NOC2L: variants seen among roughly 807,000 people sequenced by gnomAD.
NOC2L encodes the protein NOC2 like nucleolar associated transcriptional repressor.
A neutral mutation model predicts 94.2 loss-of-function variants in NOC2L; 101 were observed. The ratio of observed to expected loss-of-function variants is 1.07; its 90% CI spans 0.91 to 1.26. The LOEUF is 1.26. Ranked by LOEUF, NOC2L falls within the 50% of genes most tolerant of loss-of-function variation. NOC2L has a pLI of 0.00. For synonymous variants in NOC2L, 531 were observed against 413.4 expected (o/e 1.28, Z -3.45); for missense variants, 1,076 against 980.1 (o/e 1.10, Z -1.31).
chr1:946,655 G>C, intron 14 of NOC2L, 110 bp from the exon 15 acceptor site: 1 of 1,306,318 alleles, frequency 7.7e-7, no homozygotes, highest in African/African-American at 1.5e-5. Context: ...CCCCAGGAGG[G>C]GACATGGATC....
chr1:945,673 G>A lies in NOC2L; in HGVS notation c.1918-20C>T, dbSNP rs922598180. 6.2e-7 allele frequency: 1 copy of A among 1,614,106 alleles called. No individual in the cohort carries two copies. The highest frequency in any genetic ancestry group is 8.5e-7 in the Non-Finnish European group (1 of 1,179,998). On this transcript the variant is annotated intron_variant, in intron 16 of 18. Coordinates refer to ENST00000327044, the MANE Select transcript of NOC2L (RefSeq NM_015658.4). ...TTCCAGCTGGAAGGCCAAAGAACCA[G>A]GGGCTCAGGTGAGAGAGGGCAGGGG...
intron 13 of NOC2L, 121 bp downstream of exon 13, chr1:948,369 C>G (rs1331892679): frequency 9.5e-7 from 1 of 1,047,822 alleles, no homozygotes; most frequent in African/African-American, 1.6e-5. Context: ...GGCCCCAGCC[C>G]TGGGAGACCA....
In NOC2L at chr1:956,974, C is replaced by T. The variant is rs1010817559; in HGVS notation, c.406G>A (p.Val136Ile). 7 of 1,614,116 alleles carry T rather than the reference C, an allele frequency of 4.3e-6. No homozygotes were observed. Among genetic ancestry groups the T allele is most frequent in the Non-Finnish European group, 5.9e-6 (7 of 1,180,030 alleles). Residue 136 changes from valine (V) to isoleucine (I), a missense_variant, in exon 4 of 19, where the codon GTC (valine) becomes ATC (isoleucine). This residue lies in a region of NOC2L where 457 missense variants were observed against 386.0 expected (regional missense o/e 1.18). Transcript: ENST00000327044. ...TTCTTCCCCTTCAGCCCTCTGGGGACTCTGTCCCCATCTTCTCCTTCCTCC... is the reference window on the plus strand; with the variant it reads ...TTCTTCCCCTTCAGCCCTCTGGGGATTCTGTCCCCATCTTCTCCTTCCTCC... Reference protein sequence around the residue: ...GAEEGEDGDRVPRGLKGKKNS... With the variant: ...GAEEGEDGDRIPRGLKGKKNS...
intron 2 of NOC2L, 105 bp from the exon 3 acceptor site, chr1:957,378 A>T: frequency 1.8e-6 from 2 of 1,115,682 alleles, no homozygotes; most frequent in Non-Finnish European, 2.6e-6. Flanking sequence ...ACCAACTAGC[A>T]AGACAGGATT....
At position 955,970 on chromosome 1, in the gene NOC2L, G is replaced by A. The variant is rs1392671435; in HGVS notation, c.651C>T (p.Gly217=). ...TTCCAAACAGCAGCTTCTGGAGACA[G>A]CCAATGAGGTCTCTGATGCAGAAGG... is the stretch of plus-strand genomic sequence containing the variant. ...LVTFCIRDLI[G]CLQKLLFGKV... The change falls in exon 6 of 19, where the codon GGC becomes GGT. Residue 217 remains glycine, a synonymous_variant. Coordinates refer to ENST00000327044, the MANE Select transcript of NOC2L (RefSeq NM_015658.4). The A allele has an allele frequency of 3.7e-6, 6 of 1,613,702 alleles. No homozygotes were observed. The highest frequency in any genetic ancestry group is 1.1e-5 in the South Asian group (1 of 91,066).
rs375141658 is a variant in NOC2L, at chr1:948,480, C to A, written c.1557+10G>T. ...ACTGCCCAGGCCCCTCCCCAGGAGG[C>A]CAGCCTCACCCGGTACGCCTTCTCC... On this transcript the variant is annotated intron_variant, in intron 13 of 18. Coordinates refer to ENST00000327044, the MANE Select transcript of NOC2L (RefSeq NM_015658.4). The A allele has an allele frequency of 5.0e-6, 8 of 1,604,834 alleles. No homozygotes were observed. The East Asian group carries it at 1.1e-4, about 22-fold the overall frequency.
chr1:952,749 G>A, intron 9 of NOC2L, 149 bp from the exon 10 acceptor site: 1 of 761,566 alleles, frequency 1.3e-6, no homozygotes, highest in Non-Finnish European at 2.2e-6. Flanking sequence ...CCACCCCCAA[G>A]TGCCCACCAG....
chr1:955,837 G>A (rs1475090667), intron 6 of NOC2L, 86 bp downstream of exon 6: 1 of 1,158,112 alleles, frequency 8.6e-7, no homozygotes, highest in African/African-American at 1.5e-5. Context: ...CCATGTCTCT[G>A]TCCTAGCCAC....
intron 14 of NOC2L, chr1:946,907 A>C: frequency 5.5e-6 from 1 of 180,602 alleles, no homozygotes. Flanking sequence ...AAATACCAAA[A>C]TTAGCTGGGT....
In NOC2L at chr1:953,226, G is replaced by A. The variant is rs1186784334; in HGVS notation, c.951C>T (p.Leu317=). 6.2e-7 allele frequency: 1 copy of A among 1,613,584 alleles called. No homozygotes were observed. Among genetic ancestry groups the A allele is most frequent in the Non-Finnish European group, 8.5e-7 (1 of 1,179,820 alleles). ...ESLRVLAFLV[L]SRVCRHKKDT... ...CCTTCTTGTGCCGGCAGACTCTGCT[G>A]AGGACCAGGAAAGCCAGCACCCGCA... The change falls in exon 9 of 19, where the codon CTC becomes CTT. Residue 317 remains leucine, a synonymous_variant. Transcript: ENST00000327044.
rs1642035031 is a variant in NOC2L, at chr1:944,634, G to A, written c.*60C>T. The A allele has an allele frequency of 8.5e-6, 9 of 1,054,150 alleles. No individual in the cohort carries two copies. In the South Asian group the frequency reaches 1.2e-4, roughly 14 times the overall value. The allele number at this position is 1,054,150 out of a possible 1,614,324, so 65.3% of individuals were successfully genotyped here. ...GCCAGCCTCTAGGCCTGACTGCCAG[G>A]GAGGTGGAAACACTGGCCACCAGCC... is the stretch of plus-strand genomic sequence containing the variant. On this transcript the variant is annotated 3_prime_UTR_variant, in exon 19 of 19. Transcript: ENST00000327044.
intron 12 of NOC2L, among the ~76,000 whole-genome samples, chr1:949,989 G>A (rs906018631): frequency 6.6e-6 from 1 of 152,148 alleles, no homozygotes; most frequent in Non-Finnish European, 1.5e-5. Context: ...TTACAGCGGG[G>A]TGGGGCCTAA....
chr1:956,811 C>A (rs1642415966), intron 4 of NOC2L, 83 bp downstream of exon 4: 2 of 1,581,570 alleles, frequency 1.3e-6, no homozygotes, highest in South Asian at 1.1e-5. Context: ...CAGCTGCCCG[C>A]CCCTCGCTGC....
In NOC2L at chr1:945,631, T is replaced by G; in HGVS notation, c.1940A>C (p.Glu647Ala). The change falls in exon 17 of 19, where the codon GAG becomes GCG. Residue 647 changes from glutamate to alanine, a missense_variant. Physicochemically the swap from Glu to Ala is moderately radical, Grantham distance 107. Coordinates refer to ENST00000327044, the MANE Select transcript of NOC2L (RefSeq NM_015658.4). ...GTCAGCCATCTTCCTTCGTTTGATC[T>G]CAGGGAAGTTCAGGTCTTCCAGCTG... ...KERLEDLNFPEIKRRKMADRK... is the reference protein window; with the variant it reads ...KERLEDLNFPAIKRRKMADRK... 1 of 1,614,152 alleles carries G rather than the reference T, an allele frequency of 6.2e-7. No homozygotes were observed. The highest frequency in any genetic ancestry group is 2.2e-5 in the East Asian group (1 of 44,886).
Position 944,397 on chromosome 1 carries a change from T to G in NOC2L, c.*297A>C. The G allele has an allele frequency of 4.0e-6, 5 of 1,243,076 alleles. No homozygotes were observed. The highest frequency in any genetic ancestry group is 4.1e-5 in the South Asian group (2 of 49,116). The allele number at this position is 1,243,076 out of a possible 1,614,324, so 77.0% of individuals were successfully genotyped here. A position where few individuals can be genotyped will look rare whatever the true frequency, so the allele number is the denominator to read the frequency against. ...GAGGTGGTGGAAGGGGCCAGGGGCC[T>G]GCAGGCCTCCCCCTGGAACTGGGAC... On this transcript the variant is annotated 3_prime_UTR_variant, in exon 19 of 19. Transcript: ENST00000327044.
chr1:945,410 ACTGGTGAGCCCC>A, intron 17 of NOC2L, 96 bp downstream of exon 17: 1 of 1,368,364 alleles, frequency 7.3e-7, no homozygotes, highest in Non-Finnish European at 1.0e-6. Flanking sequence ...TGGGCCAGAG[ACTGGTGAGCCCC>A]CTGCAGGATG....
rs750061394 is a variant in NOC2L at position 944,823 on chromosome 1, C to T, written c.2144-23G>A. The T allele has an allele frequency of 7.3e-6, 11 of 1,497,868 alleles. No homozygotes were observed. In the East Asian group the frequency reaches 9.1e-5, roughly 12 times the overall value. The allele number at this position is 1,497,868 out of a possible 1,614,324, so 92.8% of individuals were successfully genotyped here. On this transcript the variant is annotated intron_variant, in intron 18 of 18. Transcript: ENST00000327044. ...CATCTGCGGGGAGAGATGGAGGCTACATAAATTTTGCTTTATCAGGAAGAA... is the reference window on the plus strand; with the variant it reads ...CATCTGCGGGGAGAGATGGAGGCTATATAAATTTTGCTTTATCAGGAAGAA...
chr1:950,117 C>A (rs368519909), intron 12 of NOC2L, among the ~76,000 whole-genome samples: 1 of 152,178 alleles, frequency 6.6e-6, no homozygotes, highest in Non-Finnish European at 1.5e-5. Context: ...CAGGCACACA[C>A]GTAGACGCAC....
chr1:947,288 G>A (rs1642140175), intron 14 of NOC2L, among the ~76,000 whole-genome samples: 1 of 152,214 alleles, frequency 6.6e-6, no homozygotes. Context: ...AAGAGGACAT[G>A]GGAGGAACAG....
Sources: allele counts gnomAD v4.1 joint callset (sites outside exome capture counted in the v4.1 genomes callset), GRCh38; gene constraint gnomAD v4.1.1; regional missense constraint gnomAD v4.1.1; transcripts MANE v1.5; gene names NCBI Gene and HGNC (gene_info 2026-07-23, HGNC 2026-07-21).